PTPRD: variants seen among roughly 807,000 people sequenced by gnomAD.
PTPRD encodes protein tyrosine phosphatase receptor type D.
A neutral mutation model predicts 214.5 loss-of-function variants in PTPRD; 34 were observed. That is an observed-to-expected ratio of 0.16 (90% CI 0.12 to 0.21). The LOEUF (loss-of-function observed/expected upper bound fraction) is 0.21. PTPRD is among the 10% of genes least tolerant of loss of function. PTPRD has a pLI of 1.00. For synonymous variants in PTPRD, 1,128 were observed against 845.7 expected (o/e 1.33, Z -5.79); for missense variants, 2,545 against 2,398.7 (o/e 1.06, Z -1.27).
At chr9:10,033,216 C>T (rs1289655946) in intron 4 of PTPRD, among the ~76,000 whole-genome samples, 2 of 151,544 alleles carry the variant, frequency 1.3e-5, no homozygotes, top group East Asian at 3.9e-4. Flanking sequence ...TGCTGAGAAA[C>T]ATGATACCAA....
At chr9:8,521,204 T>C (rs2097884846) in intron 20 of PTPRD, 73 bp downstream of exon 20, 1 of 1,494,786 alleles carries the variant, frequency 6.7e-7, no homozygotes, top group Non-Finnish European at 9.0e-7. Flanking sequence ...TTTTCAAGGA[T>C]GGGCTTTCTA....
intron 3 of PTPRD, among the ~76,000 whole-genome samples, chr9:10,094,316 G>A (rs564327931): frequency 6.6e-6 from 1 of 151,224 alleles, no homozygotes; most frequent in East Asian, 2.0e-4. Flanking sequence ...TCACAAGTCA[G>A]AGTCACTGGA....
chr9:8,893,420 C>T (rs750799763), intron 11 of PTPRD, among the ~76,000 whole-genome samples: 15 of 152,228 alleles, frequency 9.9e-5, no homozygotes, highest in South Asian at 2.1e-4. Context: ...AAACAGAAAG[C>T]GAAGTGACCA....
intron 2 of PTPRD, among the ~76,000 whole-genome samples, chr9:10,468,685 G>T (rs1384724509): frequency 6.6e-6 from 1 of 151,920 alleles, no homozygotes; most frequent in Non-Finnish European, 1.5e-5. Flanking sequence ...CAGAGGGAAA[G>T]GCTTATTAAA....
At chr9:10,010,218 C>T (rs1291543508) in intron 4 of PTPRD, among the ~76,000 whole-genome samples, 3 of 151,846 alleles carry the variant, frequency 2.0e-5, no homozygotes, top group African/African-American at 7.3e-5. Flanking sequence ...ATCCACATGT[C>T]TCCAAACACC....
intron 4 of PTPRD, among the ~76,000 whole-genome samples, chr9:9,973,772 G>A (rs1484532462): frequency 1.3e-5 from 2 of 151,994 alleles, no homozygotes; most frequent in Admixed American, 6.6e-5. Context: ...ACAGAGTAAG[G>A]AGTCTTTTTT....
intron 7 of PTPRD, among the ~76,000 whole-genome samples, chr9:9,609,997 ATGCCT>A (rs2094433187): frequency 6.6e-6 from 1 of 152,178 alleles, no homozygotes; most frequent in Non-Finnish European, 1.5e-5. Flanking sequence ...TATTTACCAA[ATGCCT>A]GGTGGGTCCC....
chr9:8,668,727 C>T (rs1325361649), intron 12 of PTPRD, among the ~76,000 whole-genome samples: 1 of 152,192 alleles, frequency 6.6e-6, no homozygotes, highest in Non-Finnish European at 1.5e-5. Context: ...TGATTCATAA[C>T]TGTCTTTCAA....
chr9:8,626,066 T>C (rs912048668), intron 14 of PTPRD, among the ~76,000 whole-genome samples: 5 of 151,826 alleles, frequency 3.3e-5, no homozygotes, highest in Admixed American at 3.3e-4. Flanking sequence ...GCATTTGGCA[T>C]ATCTGTGCCC....
intron 3 of PTPRD, among the ~76,000 whole-genome samples, chr9:10,173,315 C>T (rs1383650434): frequency 6.6e-6 from 1 of 152,044 alleles, no homozygotes; most frequent in African/African-American, 2.4e-5. Context: ...TGGAGTGTTA[C>T]AGGACACTTA....
chr9:9,504,322 A>G (rs1446698088), intron 8 of PTPRD, among the ~76,000 whole-genome samples: 1 of 151,688 alleles, frequency 6.6e-6, no homozygotes, highest in African/African-American at 2.4e-5. Flanking sequence ...TATGACCACA[A>G]AATATTCCAG....
chr9:8,351,351 G>A (rs2075387001), intron 39 of PTPRD, among the ~76,000 whole-genome samples: 1 of 151,658 alleles, frequency 6.6e-6, no homozygotes, highest in South Asian at 2.1e-4. Context: ...GAGAAGGATC[G>A]GTAATGGTGG....
At chr9:9,982,463 T>TGTG (rs1221703029) in intron 4 of PTPRD, among the ~76,000 whole-genome samples, 5 of 111,210 alleles carry the variant, frequency 4.5e-5, no homozygotes, top group East Asian at 3.4e-4. Context: ...ATATTGTTGT[T>TGTG]GTGGTGGTGG....
chr9:9,522,511 T>C (rs2097008648), intron 8 of PTPRD, among the ~76,000 whole-genome samples: 1 of 152,066 alleles, frequency 6.6e-6, no homozygotes, highest in Admixed American at 6.6e-5. Flanking sequence ...CCCAAAAAGC[T>C]TTAAATTACC....
rs869096131 is a variant in PTPRD at position 9,976,689 on chromosome 9, C to CAAAAAAAAA, written c.-471-38088_-471-38080dup. ...GGTGTGAGCCACTACACCCTGCCAC[C>CAAAAAAAAA]AAAAAAAAAAAAAAAAAAAAAAATT... On this transcript the variant is annotated intron_variant, in intron 4 of 45. Transcript: ENST00000381196. Among the ~76,000 whole-genome samples, 110 of 63,240 alleles carry CAAAAAAAAA rather than the reference C, an allele frequency of 1.7e-3. 4 individuals carry two copies. Among genetic ancestry groups the CAAAAAAAAA allele is most frequent in the East Asian group, 6.6e-3 (8 of 1,216 alleles). The allele number at this position is 63,240 out of a possible 152,430, so 41.5% of individuals were successfully genotyped here. A position where few individuals can be genotyped will look rare whatever the true frequency, so the allele number is the denominator to read the frequency against.
intron 2 of PTPRD, among the ~76,000 whole-genome samples, chr9:10,496,321 C>G (rs1186222697): frequency 1.3e-5 from 2 of 151,910 alleles, no homozygotes; most frequent in Non-Finnish European, 2.9e-5. Context: ...TACTAACACT[C>G]TGGCATTTTT....
intron 5 of PTPRD, among the ~76,000 whole-genome samples, chr9:9,793,242 A>G (rs1249131040): frequency 6.6e-6 from 1 of 152,150 alleles, no homozygotes; most frequent in Non-Finnish European, 1.5e-5. Context: ...AAATTTTATC[A>G]TCCCATAGCT....
At chr9:9,945,754 C>T (rs899666632) in intron 4 of PTPRD, among the ~76,000 whole-genome samples, 2 of 152,070 alleles carry the variant, frequency 1.3e-5, no homozygotes, top group Admixed American at 1.3e-4. Flanking sequence ...GAAAGTCAAC[C>T]AGATTTATGC....
chr9:9,192,144 T>C (rs2099935621), intron 9 of PTPRD, among the ~76,000 whole-genome samples: 1 of 151,980 alleles, frequency 6.6e-6, no homozygotes, highest in African/African-American at 2.4e-5. Context: ...ACTTTTCCCA[T>C]AGTTGTTCAA....
Sources: allele counts gnomAD v4.1 joint callset (sites outside exome capture counted in the v4.1 genomes callset), GRCh38; gene constraint gnomAD v4.1.1; transcripts MANE v1.5; gene names NCBI Gene and HGNC (gene_info 2026-07-23, HGNC 2026-07-21).